LRRC20: variants seen among roughly 807,000 people sequenced by gnomAD.
The protein encoded by LRRC20 is leucine rich repeat containing 20.
A neutral mutation model predicts 14.4 loss-of-function variants in LRRC20; 11 were observed. The observed-to-expected ratio is 0.77, with a 90% CI of 0.48 to 1.27. The LOEUF is 1.27. Among genes scored for constraint, LRRC20 ranks in the 50% most tolerant of loss-of-function variants. The pLI is 0.00. For missense variants in LRRC20, 219 were observed against 251.2 expected, an observed-to-expected ratio of 0.87 and a Z score of 0.87; for synonymous variants, 121 against 107.3, an observed-to-expected ratio of 1.13 and a Z score of -0.79.
intron 3 of LRRC20, among the ~76,000 whole-genome samples, chr10:70,334,778 G>A (rs902348416): frequency 4.6e-5 from 7 of 152,248 alleles, no homozygotes; most frequent in Non-Finnish European, 8.8e-5. Flanking sequence ...AAAGTGTGCA[G>A]AGAGGAGCCA....
In LRRC20 at chr10:70,300,199, T is replaced by C. The variant is rs1341488849; in HGVS notation, c.*1155A>G. On this transcript the variant is annotated 3_prime_UTR_variant, in exon 5 of 5. Coordinates refer to ENST00000446961, the MANE Select transcript of LRRC20 (RefSeq NM_001278212.2). ...CTGAGGACCAAGCAGTCAAGGTTCT[T>C]CAAGCCACAGGCGTTCTCGGGAAGC... 2 of 232,494 alleles carry C rather than the reference T, an allele frequency of 8.6e-6. No homozygotes were observed. Among genetic ancestry groups the C allele is most frequent in the Non-Finnish European group, 1.4e-5 (2 of 141,634 alleles). 14.4% of individuals were successfully genotyped at this position (232,494 alleles called of 1,614,324 possible).
At chr10:70,332,132 CAG>C (rs774504677) in intron 3 of LRRC20, among the ~76,000 whole-genome samples, 1 of 152,202 alleles carries the variant, frequency 6.6e-6, no homozygotes, top group African/African-American at 2.4e-5. Context: ...CCCAGCAGGG[CAG>C]AGTCAGACGG....
At chr10:70,376,624 C>T in intron 1 of LRRC20, 28 bp from the exon 2 acceptor site, 1 of 1,254,966 alleles carries the variant, frequency 8.0e-7, no homozygotes, top group Non-Finnish European at 1.1e-6. Context: ...CCATGAAGTG[C>T]CCGCCTGCCA....
Position 70,340,662 on chromosome 10 carries a change from G to A in LRRC20, c.123C>T (p.Ile41=). ...ECKLVSFPIG[I]YKVLRNVSGQ... ...CAGAGACATTCCGCAGGACCTTGTA[G>A]ATGCCAATGGGAAAGGAGACCAGCT... Residue 41 remains isoleucine (I), a synonymous_variant, in exon 3 of 5, where the codon ATC becomes ATT. Transcript: ENST00000446961. 1 of 1,614,220 alleles carries A rather than the reference G, an allele frequency of 6.2e-7. No individual in the cohort carries two copies. Among genetic ancestry groups the A allele is most frequent in the East Asian group, 2.2e-5 (1 of 44,888 alleles).
intron 2 of LRRC20, among the ~76,000 whole-genome samples, chr10:70,360,921 G>A (rs1401614366): frequency 6.6e-6 from 1 of 152,080 alleles, no homozygotes; most frequent in Non-Finnish European, 1.5e-5. Flanking sequence ...AATGGCACAC[G>A]CCTATAGTCG....
intron 1 of LRRC20, among the ~76,000 whole-genome samples, chr10:70,380,587 AC>A (rs1284981723): frequency 1.3e-5 from 2 of 152,228 alleles, no homozygotes; most frequent in Non-Finnish European, 2.9e-5. Flanking sequence ...GCCAGCTGGC[AC>A]TACTGGCCCC....
rs12259757 is a variant in LRRC20 at position 70,313,114 on chromosome 10, T to C, written c.400+10749A>G. ...TCAAAGCCAGATCATAACAATTCTT[T>C]GCAAAAATGACTCAGTCTTCTTACT... On this transcript the variant is annotated intron_variant, in intron 4 of 4. Transcript: ENST00000446961. 8.2e-3 allele frequency among the ~76,000 whole-genome samples: 1,243 copies of C among 152,254 alleles called. 15 individuals carry two copies. The highest frequency in any genetic ancestry group is 0.029 in the African/African-American group (1,187 of 41,544).
At position 70,301,077 on chromosome 10, in the gene LRRC20, C is replaced by A. The variant is rs953449369; in HGVS notation, c.*277G>T. 1.6e-6 allele frequency: 2 copies of A among 1,222,296 alleles called. No individual in the cohort carries two copies. The highest frequency in any genetic ancestry group is 4.3e-5 in the Admixed American group (1 of 23,244). 75.7% of individuals were successfully genotyped at this position (1,222,296 alleles called of 1,614,324 possible). On this transcript the variant is annotated 3_prime_UTR_variant, in exon 5 of 5. Coordinates refer to ENST00000446961, the MANE Select transcript of LRRC20 (RefSeq NM_001278212.2). The stretch of plus-strand genomic sequence containing the variant: ...AAAGGGTCCTGTTTTTTTCAAGTGA[C>A]AAGGCTCAGAGAGGGCAGGAGATCT...
At chr10:70,339,115 T>C (rs1273969625) in intron 3 of LRRC20, among the ~76,000 whole-genome samples, 4 of 152,244 alleles carry the variant, frequency 2.6e-5, no homozygotes, top group African/African-American at 9.6e-5. Context: ...GAGGCTTGCC[T>C]TCAGTGTGAC....
At chr10:70,344,799 C>T (rs1843020667) in intron 2 of LRRC20, among the ~76,000 whole-genome samples, 1 of 152,058 alleles carries the variant, frequency 6.6e-6, no homozygotes, top group Non-Finnish European at 1.5e-5. Context: ...ATTCCTGAGC[C>T]CAAGTGATCT....
intron 4 of LRRC20, among the ~76,000 whole-genome samples, chr10:70,321,805 G>C (rs535518922): frequency 3.9e-4 from 59 of 152,354 alleles, no homozygotes; most frequent in African/African-American, 1.4e-3. Context: ...TGAAGGCTTA[G>C]AGCTTCAGTT....
intron 2 of LRRC20, among the ~76,000 whole-genome samples, chr10:70,368,244 G>A (rs1474070038): frequency 3.4e-5 from 5 of 145,178 alleles, no homozygotes; most frequent in African/African-American, 5.1e-5. Context: ...TGCAAGATGC[G>A]CCTCCCGGGT....
chr10:70,366,493 T>G (rs1224389229), intron 2 of LRRC20, among the ~76,000 whole-genome samples: 1 of 151,818 alleles, frequency 6.6e-6, no homozygotes, highest in Non-Finnish European at 1.5e-5. Context: ...AACTGTAAAT[T>G]AAAACTACAA....
At chr10:70,353,080 C>G (rs971194863) in intron 2 of LRRC20, among the ~76,000 whole-genome samples, 1 of 152,136 alleles carries the variant, frequency 6.6e-6, no homozygotes, top group Non-Finnish European at 1.5e-5. Flanking sequence ...GGTGTTGAGT[C>G]TCTAACACAT....
chr10:70,372,447 T>TG (rs1447139407), intron 2 of LRRC20, among the ~76,000 whole-genome samples: 20 of 148,762 alleles, frequency 1.3e-4, no homozygotes, highest in Admixed American at 1.3e-3. Flanking sequence ...TTCTTTTCGT[T>TG]TTTTTTTTTT....
At chr10:70,375,663 C>G (rs1316333608) in intron 2 of LRRC20, among the ~76,000 whole-genome samples, 1 of 152,208 alleles carries the variant, frequency 6.6e-6, no homozygotes, top group Non-Finnish European at 1.5e-5. Flanking sequence ...AAGATCATCC[C>G]CAAGGCAGGA....
At chr10:70,379,803 C>G (rs909670623) in intron 1 of LRRC20, among the ~76,000 whole-genome samples, 9 of 152,140 alleles carry the variant, frequency 5.9e-5, no homozygotes, top group Non-Finnish European at 1.0e-4. Context: ...GACCAGCGGT[C>G]CCCATCCTTT....
intron 4 of LRRC20, among the ~76,000 whole-genome samples, chr10:70,319,644 T>C (rs1045366359): frequency 6.6e-6 from 1 of 152,168 alleles, no homozygotes; most frequent in Non-Finnish European, 1.5e-5. Context: ...CAACTTGAGG[T>C]TGAGACTCGC....
chr10:70,352,702 A>G (rs1843357503), intron 2 of LRRC20, among the ~76,000 whole-genome samples: 1 of 152,136 alleles, frequency 6.6e-6, no homozygotes, highest in Admixed American at 6.6e-5. Flanking sequence ...GAAAATCTCT[A>G]TTCTTAACTC....
Sources: gnomAD v4.1 joint callset for allele counts (sites outside exome capture counted in the v4.1 genomes callset) on GRCh38, gnomAD v4.1.1 for gene constraint, MANE v1.5 for transcripts, NCBI Gene and HGNC (gene_info 2026-07-23, HGNC 2026-07-21) for gene names.